The following SRBD1 variants were observed in gnomAD, a reference collection of about 807,000 sequenced individuals.
SRBD1 encodes the protein S1 RNA-binding domain-containing protein 1.
A neutral mutation model predicts 115.3 loss-of-function variants in SRBD1; 88 were observed. The observed-to-expected ratio is 0.76, with a 90% CI of 0.64 to 0.91. SRBD1 has a LOEUF of 0.91. SRBD1 is among the 40% of genes least tolerant of loss of function. The pLI, the probability that SRBD1 is intolerant of heterozygous loss-of-function variation, is 0.00. For synonymous variants in SRBD1, 509 were observed against 407.7 expected (o/e 1.25, Z -2.99); for missense variants, 1,385 against 1,177.4 (o/e 1.18, Z -2.58).
intron 16 of SRBD1, among the ~76,000 whole-genome samples, chr2:45,437,946 A>G (rs1293368514): frequency 2.6e-5 from 4 of 152,218 alleles, no homozygotes; most frequent in African/African-American, 9.6e-5. Context: ...GATACTATAA[A>G]TAGTGAATAT....
intron 18 of SRBD1, among the ~76,000 whole-genome samples, chr2:45,416,040 G>A (rs936178035): frequency 6.6e-6 from 1 of 152,006 alleles, no homozygotes; most frequent in Admixed American, 6.6e-5. Flanking sequence ...AAAACAAGGA[G>A]AGAAACAGAA....
chr2:45,514,983 A>T (rs1233484653), intron 14 of SRBD1, among the ~76,000 whole-genome samples: 1 of 152,180 alleles, frequency 6.6e-6, no homozygotes, highest in East Asian at 1.9e-4. Flanking sequence ...TAATCACTGG[A>T]TGTCACTTTT....
At chr2:45,416,176 T>C (rs1213984386) in intron 18 of SRBD1, among the ~76,000 whole-genome samples, 2 of 151,984 alleles carry the variant, frequency 1.3e-5, no homozygotes, top group Non-Finnish European at 2.9e-5. Context: ...CAAATATGAA[T>C]GTATTAATAA....
At chr2:45,489,165 C>A (rs1001820025) in intron 14 of SRBD1, among the ~76,000 whole-genome samples, 4 of 152,160 alleles carry the variant, frequency 2.6e-5, no homozygotes, top group African/African-American at 9.7e-5. Context: ...ACATGACAGG[C>A]AAAGAAACAT....
At chr2:45,581,522 C>CA (rs5830864) in intron 6 of SRBD1, among the ~76,000 whole-genome samples, 171 bp downstream of exon 6, 16 of 151,192 alleles carry the variant, frequency 1.1e-4, no homozygotes, top group South Asian at 6.3e-4. Context: ...GTGCCTAGCA[C>CA]AAAAAAAACA....
intron 14 of SRBD1, among the ~76,000 whole-genome samples, chr2:45,520,181 C>T (rs986000272): frequency 5.9e-5 from 9 of 152,178 alleles, no homozygotes; most frequent in African/African-American, 2.2e-4. Context: ...TCAGCATGAG[C>T]AGCACAAAAA....
intron 16 of SRBD1, among the ~76,000 whole-genome samples, chr2:45,433,039 C>T (rs1485594635): frequency 1.3e-5 from 2 of 152,174 alleles, no homozygotes; most frequent in Non-Finnish European, 2.9e-5. Flanking sequence ...TTTCACTTTA[C>T]ATTCCCCATA....
chr2:45,492,769 TAACA>T (rs948652550), intron 14 of SRBD1, among the ~76,000 whole-genome samples: 1 of 152,166 alleles, frequency 6.6e-6, no homozygotes, highest in African/African-American at 2.4e-5. Flanking sequence ...ATTACTGGGC[TAACA>T]GTTTTCACCT....
At chr2:45,583,420 G>C (rs968827781) in intron 5 of SRBD1, among the ~76,000 whole-genome samples, 6 of 152,080 alleles carry the variant, frequency 3.9e-5, no homozygotes, top group African/African-American at 1.4e-4. Flanking sequence ...AGGAAGAAGA[G>C]AATTATCTTT....
intron 16 of SRBD1, among the ~76,000 whole-genome samples, chr2:45,446,702 A>G (rs1668834017): frequency 6.6e-6 from 1 of 151,952 alleles, no homozygotes; most frequent in Admixed American, 6.6e-5. Context: ...AAGATGGAAA[A>G]AAAAAAACCC....
chr2:45,573,391 C>T, intron 8 of SRBD1, 49 bp from the exon 9 acceptor site: 4 of 1,560,050 alleles, frequency 2.6e-6, no homozygotes, highest in Non-Finnish European at 3.4e-6. Context: ...TTAATTTGTG[C>T]TTTAGTAAAG....
rs139961270 is a variant in SRBD1 at position 45,500,279 on chromosome 2, CTG to C, written c.1875-11950_1875-11949del. On this transcript the variant is annotated intron_variant, in intron 14 of 20. Coordinates refer to ENST00000263736, the MANE Select transcript of SRBD1 (RefSeq NM_018079.5). ...GGTTAAATTTATTCTGTGCATGTCT[CTG>C]TGTGTGTGTGTGTGTGTGTATGTGT... Among the ~76,000 whole-genome samples the C allele has an allele frequency of 5.3e-3, 761 of 143,014 alleles. 5 individuals carry two copies. Among genetic ancestry groups the C allele is most frequent in the African/African-American group, 0.014 (543 of 39,176 alleles). The allele number at this position is 143,014 out of a possible 152,430, so 93.8% of individuals were successfully genotyped here.
chr2:45,470,852 T>C (rs1669628047), intron 16 of SRBD1, among the ~76,000 whole-genome samples: 1 of 152,196 alleles, frequency 6.6e-6, no homozygotes, highest in African/African-American at 2.4e-5. Context: ...CATGTGTTTT[T>C]AAAATCACCT....
At position 45,574,589 on chromosome 2, in the gene SRBD1, G is replaced by C. The variant is rs764884670; in HGVS notation, c.1169+38C>G. 1.9e-6 allele frequency: 3 copies of C among 1,578,934 alleles called. No individual in the cohort carries two copies. In the African/African-American group the frequency reaches 4.1e-5, roughly 21 times the overall value. On this transcript the variant is annotated intron_variant, in intron 8 of 20. Transcript: ENST00000263736. ...AACCGTGTGACCCTTAACAGCATGA[G>C]TCCATAAAGCAGAAAACTCCATAAA...
At chr2:45,489,353 TG>T (rs1166248594) in intron 14 of SRBD1, among the ~76,000 whole-genome samples, 2 of 152,194 alleles carry the variant, frequency 1.3e-5, no homozygotes, top group Non-Finnish European at 2.9e-5. Context: ...ATGGATGACA[TG>T]TAACGTACTG....
rs1424166483 is a variant in SRBD1, at chr2:45,428,580, A to AC, written c.2050-8687_2050-8686insG. On this transcript the variant is annotated intron_variant, in intron 16 of 20. Coordinates refer to ENST00000263736, the MANE Select transcript of SRBD1 (RefSeq NM_018079.5). ...AAAATAAATAAATAAATAAATAAAT[A>AC]AATACATAAATAAATAAATAAGTTC... Among the ~76,000 whole-genome samples, 11 of 123,418 alleles carry AC rather than the reference A, an allele frequency of 8.9e-5. 1 individual carries two copies. The highest frequency in any genetic ancestry group is 3.2e-4 in the African/African-American group (11 of 34,534). The allele number at this position is 123,418 out of a possible 152,430, so 81.0% of individuals were successfully genotyped here. A position where few individuals can be genotyped will look rare whatever the true frequency, so the allele number is the denominator to read the frequency against.
At chr2:45,391,684 G>A (rs755164809) in intron 20 of SRBD1, among the ~76,000 whole-genome samples, 1 of 152,158 alleles carries the variant, frequency 6.6e-6, no homozygotes, top group Non-Finnish European at 1.5e-5. Context: ...GGAAAGCTCA[G>A]TCCAGAGCCC....
intron 16 of SRBD1, among the ~76,000 whole-genome samples, chr2:45,425,356 A>C (rs1422904494): frequency 6.6e-6 from 1 of 152,188 alleles, no homozygotes; most frequent in African/African-American, 2.4e-5. Context: ...CAGTATCTTC[A>C]TATATAAGAT....
chr2:45,592,709 T>C (rs1673763158), intron 4 of SRBD1, among the ~76,000 whole-genome samples: 1 of 152,192 alleles, frequency 6.6e-6, no homozygotes, highest in African/African-American at 2.4e-5. Flanking sequence ...GATCCACTCA[T>C]TGTTTGGTCT....
Sources: allele counts gnomAD v4.1 joint callset (sites outside exome capture counted in the v4.1 genomes callset), GRCh38; gene constraint gnomAD v4.1.1; transcripts MANE v1.5; gene names NCBI Gene and HGNC (gene_info 2026-07-23, HGNC 2026-07-21).